Variants in SULF1 observed in about 807,000 individuals in gnomAD.
SULF1 encodes extracellular sulfatase Sulf-1.
In SULF1, 46 loss-of-function variants were observed where a neutral mutation model predicts 110.5. The observed-to-expected ratio is 0.42, with a 90% CI of 0.33 to 0.53. The LOEUF is 0.53. SULF1 is among the 20% of genes least tolerant of loss of function. The probability of loss-of-function intolerance (pLI) is 0.12; values close to 1 mark genes in which losing one functional copy is unlikely to be tolerated. For synonymous variants in SULF1, 371 were observed against 387.1 expected (o/e 0.96, Z 0.49); for missense variants, 941 against 1,094.2 (o/e 0.86, Z 1.98).
In SULF1 at chr8:69,568,555, A is replaced by G. The variant is rs889488570; in HGVS notation, c.172+4408A>G. Reference sequence around the variant, plus strand: ...TATTGTGAATGAATATTGCCATCTCACATGAGTTGGGTGGGTAGGACAAAG... The same window carrying G: ...TATTGTGAATGAATATTGCCATCTCGCATGAGTTGGGTGGGTAGGACAAAG... On this transcript the variant is annotated intron_variant, in intron 5 of 22. Transcript: ENST00000402687. Among the ~76,000 whole-genome samples, 8 of 152,368 alleles carry G rather than the reference A, an allele frequency of 5.3e-5. No individual in the cohort carries two copies. In the East Asian group the frequency reaches 7.7e-4, roughly 15 times the overall value.
intron 13 of SULF1, among the ~76,000 whole-genome samples, chr8:69,614,454 C>G (rs1808922551): frequency 6.6e-6 from 1 of 152,184 alleles, no homozygotes; most frequent in Non-Finnish European, 1.5e-5. Flanking sequence ...TAGAGCAGTA[C>G]CTGCTATCAA....
chr8:69,504,959 G>C (rs914218134), intron 3 of SULF1, among the ~76,000 whole-genome samples: 1 of 152,132 alleles, frequency 6.6e-6, no homozygotes, highest in Admixed American at 6.5e-5. Flanking sequence ...GTGCATTTTT[G>C]ATTGCCTCTC....
intron 8 of SULF1, among the ~76,000 whole-genome samples, chr8:69,592,085 G>A (rs1435646751): frequency 6.6e-6 from 1 of 152,126 alleles, no homozygotes; most frequent in African/African-American, 2.4e-5. Flanking sequence ...AAGGAAACCA[G>A]GAAAACTTCA....
chr8:69,503,026 G>A (rs915645035), intron 3 of SULF1, among the ~76,000 whole-genome samples: 1 of 152,030 alleles, frequency 6.6e-6, no homozygotes, highest in African/African-American at 2.4e-5. Flanking sequence ...GGCCCAAGGT[G>A]GCTTGGAATA....
intron 3 of SULF1, among the ~76,000 whole-genome samples, chr8:69,526,098 A>G (rs751580194): frequency 2.0e-5 from 3 of 152,192 alleles, no homozygotes; most frequent in Non-Finnish European, 4.4e-5. Context: ...AAGTTTGGAA[A>G]TATAAATTGC....
chr8:69,659,608 G>C lies in SULF1; in HGVS notation c.*1073G>C, dbSNP rs781353069. On this transcript the variant is annotated 3_prime_UTR_variant, in exon 23 of 23. Coordinates refer to ENST00000402687, the MANE Select transcript of SULF1 (RefSeq NM_001128205.2). Reference sequence around the variant, plus strand: ...AAAACAGTATTATCTTTTGAATATCGTAGGGACATAAGTATATACATGTTA... The same window carrying C: ...AAAACAGTATTATCTTTTGAATATCCTAGGGACATAAGTATATACATGTTA... 4.7e-6 allele frequency: 1 copy of C among 213,542 alleles called. No homozygotes were observed. The highest frequency in any genetic ancestry group is 9.5e-6 in the Non-Finnish European group (1 of 104,890). The allele number at this position is 213,542 out of a possible 1,614,324, so 13.2% of individuals were successfully genotyped here. A position where few individuals can be genotyped will look rare whatever the true frequency, so the allele number is the denominator to read the frequency against.
At chr8:69,528,662 G>A (rs1012532914) in intron 3 of SULF1, among the ~76,000 whole-genome samples, 2 of 152,168 alleles carry the variant, frequency 1.3e-5, no homozygotes, top group East Asian at 3.9e-4. Context: ...CTGAGATAGG[G>A]CATCATTTAG....
At chr8:69,527,703 A>G (rs1812793947) in intron 3 of SULF1, among the ~76,000 whole-genome samples, 1 of 152,160 alleles carries the variant, frequency 6.6e-6, no homozygotes, top group Non-Finnish European at 1.5e-5. Context: ...ACCCTTATCC[A>G]TACAGACTTA....
At position 69,658,931 on chromosome 8, in the gene SULF1, C is replaced by T. The variant is rs1812927352; in HGVS notation, c.*396C>T. On this transcript the variant is annotated 3_prime_UTR_variant, in exon 23 of 23. Transcript: ENST00000402687. ...AAACTTGAATGGAATAACGACATTCCAGAAGTTAATCATTTGAATTCTGAA... is the reference window on the plus strand; with the variant it reads ...AAACTTGAATGGAATAACGACATTCTAGAAGTTAATCATTTGAATTCTGAA... The T allele has an allele frequency of 2.1e-6, 1 of 465,254 alleles. No individual in the cohort carries two copies. The highest frequency in any genetic ancestry group is 2.0e-5 in the African/African-American group (1 of 50,490). The allele number at this position is 465,254 out of a possible 1,614,324, so 28.8% of individuals were successfully genotyped here.
At chr8:69,649,685 C>A (rs1417239638) in intron 22 of SULF1, among the ~76,000 whole-genome samples, 1 of 152,088 alleles carries the variant, frequency 6.6e-6, no homozygotes, top group Non-Finnish European at 1.5e-5. Flanking sequence ...TCTGATGTTT[C>A]ATCAGGATTG....
chr8:69,539,440 C>T (rs12674825), intron 3 of SULF1, among the ~76,000 whole-genome samples: 17,222 of 152,132 alleles, frequency 0.11, 1,795 homozygotes, highest in East Asian at 0.38. Flanking sequence ...AAAGATCTTG[C>T]GCTTGGCAAT....
chr8:69,580,813 A>C (rs967899057), intron 6 of SULF1, among the ~76,000 whole-genome samples: 3 of 152,186 alleles, frequency 2.0e-5, no homozygotes, highest in Non-Finnish European at 4.4e-5. Context: ...CATAGACCTT[A>C]GTTCTGAAAA....
At chr8:69,487,934 C>A (rs1040241509), upstream of SULF1, among the ~76,000 whole-genome samples, 1 of 152,090 alleles carries the variant, frequency 6.6e-6, no homozygotes, top group Non-Finnish European at 1.5e-5. Flanking sequence ...TATGTCCTGG[C>A]AATGATTTGT....
chr8:69,470,360 T>C (rs1286684859), intron 1 of SULF1, among the ~76,000 whole-genome samples: 1 of 152,200 alleles, frequency 6.6e-6, no homozygotes, highest in African/African-American at 2.4e-5. Context: ...ATGAAAATTT[T>C]TGAAAGGAGA....
At chr8:69,615,907 G>T (rs1477618093) in intron 13 of SULF1, among the ~76,000 whole-genome samples, 1 of 151,860 alleles carries the variant, frequency 6.6e-6, no homozygotes, top group Non-Finnish European at 1.5e-5. Flanking sequence ...AACAAAATAG[G>T]CAGAATTCTT....
intron 3 of SULF1, among the ~76,000 whole-genome samples, chr8:69,518,958 C>T (rs1812111094): frequency 1.3e-5 from 2 of 152,208 alleles, no homozygotes; most frequent in Non-Finnish European, 2.9e-5. Context: ...TCCCCAAACA[C>T]ACTCTATCCT....
intron 1 of SULF1, among the ~76,000 whole-genome samples, chr8:69,468,614 C>T (rs1441201): frequency 0.49 from 73,797 of 151,928 alleles, 19,464 homozygotes; most frequent in African/African-American, 0.69. Context: ...TGAAGTCTTT[C>T]GGAGTTCCAG....
intron 3 of SULF1, among the ~76,000 whole-genome samples, chr8:69,554,936 G>A (rs1035246597): frequency 5.3e-5 from 7 of 132,062 alleles, no homozygotes; most frequent in Admixed American, 4.6e-4. Flanking sequence ...CCGAGACTGC[G>A]CCACTGCACT....
chr8:69,627,335 A>G (rs1241608248), intron 16 of SULF1, 29 bp downstream of exon 16: 41 of 1,580,760 alleles, frequency 2.6e-5, no homozygotes, highest in Non-Finnish European at 3.4e-5. Context: ...ACTGTCAGAT[A>G]TATTCCAAAC....
Sources: allele counts gnomAD v4.1 joint callset (sites outside exome capture counted in the v4.1 genomes callset), GRCh38; gene constraint gnomAD v4.1.1; transcripts MANE v1.5; gene names NCBI Gene and HGNC (gene_info 2026-07-23, HGNC 2026-07-21).